SAMD5: variants seen among roughly 807,000 people sequenced by gnomAD.
SAMD5 encodes sterile alpha motif domain containing 5.
Under a neutral mutation model 11.3 loss-of-function variants are expected in SAMD5, and 13 were observed. That is an observed-to-expected ratio of 1.15 (90% CI 0.75 to 1.83). The LOEUF (loss-of-function observed/expected upper bound fraction) is 1.83. SAMD5 is among the 40% of genes most tolerant of loss of function. The pLI is 0.00. For missense variants in SAMD5, 255 were observed against 239.1 expected (o/e 1.07, Z -0.44); for synonymous variants, 129 against 111.3 (o/e 1.16, Z -1.00).
At position 147,569,672 on chromosome 6, in the gene SAMD5, A is replaced by G; in HGVS notation, c.*5216A>G. On this transcript the variant is annotated 3_prime_UTR_variant, in exon 2 of 2. Coordinates refer to ENST00000367474, the MANE Select transcript of SAMD5 (RefSeq NM_001030060.3). Reference sequence around the variant, plus strand: ...ATTGCACTTGTTGCCCTGTTCCCCAAGCTTGTCAATGTTTAGAGATACTAT... The same window carrying G: ...ATTGCACTTGTTGCCCTGTTCCCCAGGCTTGTCAATGTTTAGAGATACTAT... The G allele has an allele frequency of 1.0e-6, 1 of 985,332 alleles. No individual in the cohort carries two copies. Among genetic ancestry groups the G allele is most frequent in the South Asian group, 4.7e-5 (1 of 21,280 alleles). 61.0% of individuals were successfully genotyped at this position (985,332 alleles called of 1,614,324 possible). A position where few individuals can be genotyped will look rare whatever the true frequency, so the allele number is the denominator to read the frequency against.
intron 1 of SAMD5, among the ~76,000 whole-genome samples, chr6:147,699,862 C>A (rs978546314): frequency 3.9e-5 from 6 of 152,126 alleles, no homozygotes; most frequent in Admixed American, 2.0e-4. Flanking sequence ...ATGCAAGGAC[C>A]TGAACGAATG....
intron 1 of SAMD5, among the ~76,000 whole-genome samples, chr6:147,589,809 G>T (rs938619245): frequency 2.6e-5 from 4 of 152,294 alleles, no homozygotes; most frequent in African/African-American, 9.6e-5. Context: ...TAAATGTGAT[G>T]CCTAACACAT....
chr6:147,510,979 A>G (rs1788079276), intron 1 of SAMD5, among the ~76,000 whole-genome samples: 2 of 152,226 alleles, frequency 1.3e-5, no homozygotes, highest in Admixed American at 1.3e-4. Context: ...CAGCAGGTCA[A>G]AGGAGATCAA....
chr6:147,644,347 A>G (rs2128452707), intron 1 of SAMD5, among the ~76,000 whole-genome samples: 1 of 152,346 alleles, frequency 6.6e-6, no homozygotes, highest in East Asian at 1.9e-4. Context: ...TCCAAGACGC[A>G]TTAGAGATAA....
chr6:147,945,751 G>A, the SAMD5 span, among the ~76,000 whole-genome samples: 5 of 152,148 alleles, frequency 3.3e-5, no homozygotes, highest in South Asian at 4.1e-4. Flanking sequence ...TGGAGGAAGC[G>A]AGCAAATATG....
intron 1 of SAMD5, among the ~76,000 whole-genome samples, chr6:147,672,620 T>C (rs986535867): frequency 6.6e-6 from 1 of 152,130 alleles, no homozygotes; most frequent in African/African-American, 2.4e-5. Context: ...AAGGCTTATA[T>C]TGAAGAAAAT....
At chr6:147,906,617 G>T in the SAMD5 span, among the ~76,000 whole-genome samples, 1 of 152,184 alleles carries the variant, frequency 6.6e-6, no homozygotes, top group Non-Finnish European at 1.5e-5. Flanking sequence ...GCTGGAAGAG[G>T]CATGGGTAGG....
the SAMD5 span, among the ~76,000 whole-genome samples, chr6:147,942,996 T>C: frequency 3.3e-5 from 5 of 151,942 alleles, no homozygotes; most frequent in Non-Finnish European, 7.4e-5. Flanking sequence ...TTTTATTTTA[T>C]TTTTAGTAGA....
Position 147,509,351 on chromosome 6 carries a change from C to T in SAMD5, c.423C>T (p.Asp141=), listed in dbSNP as rs150468887. Residue 141 remains aspartate, a synonymous_variant, in exon 1 of 2, where the codon GAC becomes GAT. Coordinates refer to ENST00000367474, the MANE Select transcript of SAMD5 (RefSeq NM_001030060.3). ...TGATCAGGGATAAGCTCGTCCGTGA[C>T]GGCATCCACCTGAGCAAGCCCCCGT... ...KIMIRDKLVR[D]GIHLSKPPYS... 199 of 1,576,482 alleles carry T rather than the reference C, an allele frequency of 1.3e-4. No homozygotes were observed. The highest frequency in any genetic ancestry group is 1.7e-4 in the Non-Finnish European group (193 of 1,163,138).
the SAMD5 span, among the ~76,000 whole-genome samples, chr6:147,942,128 C>T: frequency 2.0e-5 from 3 of 152,274 alleles, no homozygotes; most frequent in South Asian, 6.2e-4. Flanking sequence ...CCACCCGCCT[C>T]GGCCTCCCAA....
At chr6:147,574,752 T>C (rs187184095), downstream of SAMD5, among the ~76,000 whole-genome samples, 1 of 152,322 alleles carries the variant, frequency 6.6e-6, no homozygotes, top group Admixed American at 6.5e-5. Flanking sequence ...AGAGACTGAA[T>C]GTTTTGTGAA....
At chr6:147,660,026 G>A (rs1217575627) in intron 1 of SAMD5, among the ~76,000 whole-genome samples, 1 of 152,134 alleles carries the variant, frequency 6.6e-6, no homozygotes, top group East Asian at 1.9e-4. Context: ...CACCCTGACC[G>A]AAGACACTCA....
chr6:147,726,505 C>T (rs889529246), intron 1 of SAMD5, among the ~76,000 whole-genome samples: 1 of 152,190 alleles, frequency 6.6e-6, no homozygotes. Flanking sequence ...AGTCTGTATG[C>T]CAGGCCTGCC....
the SAMD5 span, among the ~76,000 whole-genome samples, chr6:147,814,627 A>C: frequency 6.6e-6 from 1 of 152,184 alleles, no homozygotes; most frequent in Admixed American, 6.5e-5. Flanking sequence ...TCTATATATT[A>C]CATAATTATG....
intron 1 of SAMD5, among the ~76,000 whole-genome samples, chr6:147,654,603 C>T (rs918794615): frequency 6.6e-6 from 1 of 151,988 alleles, no homozygotes; most frequent in East Asian, 1.9e-4. Flanking sequence ...GTTTTTTCTT[C>T]CTTCTGATTA....
chr6:147,946,304 T>C, the SAMD5 span, among the ~76,000 whole-genome samples: 6 of 152,318 alleles, frequency 3.9e-5, no homozygotes, highest in African/African-American at 1.4e-4. Flanking sequence ...GACTGTGAGC[T>C]ACTTAGGGAC....
At chr6:147,754,125 A>G in the SAMD5 span, among the ~76,000 whole-genome samples, 1 of 152,110 alleles carries the variant, frequency 6.6e-6, no homozygotes, top group Non-Finnish European at 1.5e-5. Flanking sequence ...GGAAACTCCA[A>G]AGTATTTTCC....
At chr6:147,908,986 A>G in the SAMD5 span, among the ~76,000 whole-genome samples, 1 of 152,272 alleles carries the variant, frequency 6.6e-6, no homozygotes, top group East Asian at 1.9e-4. Context: ...AGGTGGGAGG[A>G]TCACTTGAGC....
chr6:147,760,711 A>G, the SAMD5 span, among the ~76,000 whole-genome samples: 34 of 152,306 alleles, frequency 2.2e-4, no homozygotes, highest in African/African-American at 7.7e-4. Flanking sequence ...CAGTGTAGGC[A>G]ACCGTGTCAG....
Sources: allele counts gnomAD v4.1 joint callset (sites outside exome capture counted in the v4.1 genomes callset), GRCh38; gene constraint gnomAD v4.1.1; transcripts MANE v1.5; gene names NCBI Gene and HGNC (gene_info 2026-07-23, HGNC 2026-07-21).